Variants in CEP350 observed in about 807,000 individuals in gnomAD.
CEP350 encodes the protein centrosomal protein 350.
CEP350 carries 126 observed loss-of-function variants against 331.8 expected under a neutral mutation model. The ratio of observed to expected loss-of-function variants is 0.38; its 90% CI spans 0.33 to 0.44. The LOEUF is 0.44. Among genes scored for constraint, CEP350 ranks in the 20% least tolerant of loss-of-function variants. The pLI is 1.00. For missense variants in CEP350, 3,406 were observed against 3,634.6 expected (o/e 0.94, Z 1.62); for synonymous variants, 1,200 against 1,259.5 (o/e 0.95, Z 1.00).
chr1:179,982,001 TA>T (rs1373559197), intron 1 of CEP350, among the ~76,000 whole-genome samples: 1 of 151,988 alleles, frequency 6.6e-6, no homozygotes, highest in Non-Finnish European at 1.5e-5. Flanking sequence ...CCTTGTCTCT[TA>T]AAAAAGCCTC....
Position 179,992,192 on chromosome 1 carries a change from G to A in CEP350, c.366G>A (p.Val122=). ...LESNVKKNNR[V]EFREPLVSYR... The stretch of plus-strand genomic sequence containing the variant: ...GTAATGTGAAGAAAAATAATCGTGT[G>A]GAATTTCGTGAACCTTTGGTTTCTT... Residue 122 remains valine, a synonymous_variant, in exon 5 of 38, where the codon GTG becomes GTA. Transcript: ENST00000367607. 6.6e-7 allele frequency: 1 copy of A among 1,504,478 alleles called. No individual in the cohort carries two copies. Among genetic ancestry groups the A allele is most frequent in the South Asian group, 1.3e-5 (1 of 74,454 alleles). 93.2% of individuals were successfully genotyped at this position (1,504,478 alleles called of 1,614,324 possible).
rs1661451414 is a variant in CEP350, at chr1:180,111,134, A to C, written c.9327A>C (p.Glu3109Asp). 3.1e-6 allele frequency: 5 copies of C among 1,613,874 alleles called. No individual in the cohort carries two copies. The highest frequency in any genetic ancestry group is 1.3e-5 in the African/African-American group (1 of 74,920). ...DTIDVLNQISEKQGRMLLV is the reference protein window; with the variant it reads ...DTIDVLNQISDKQGRMLLV ...TTGATGTTCTGAATCAGATCAGTGA[A>C]AAGCAGGGGAGAATGCTACTTGTGT... The change falls in exon 38 of 38, where the codon GAA becomes GAC. Residue 3109 changes from glutamate (E) to aspartate (D), a missense_variant. Glu to Asp is a conservative substitution (Grantham distance 45). Coordinates refer to ENST00000367607, the MANE Select transcript of CEP350 (RefSeq NM_014810.5).
At chr1:179,968,124 A>G (rs1275898403) in intron 1 of CEP350, among the ~76,000 whole-genome samples, 1 of 152,150 alleles carries the variant, frequency 6.6e-6, no homozygotes, top group Non-Finnish European at 1.5e-5. Flanking sequence ...TGAGGTCAGG[A>G]GATCGAGACC....
chr1:180,078,554 T>C lies in CEP350; in HGVS notation c.5859T>C (p.Val1953=), dbSNP rs1659372574. The change falls in exon 29 of 38, where the codon GTT becomes GTC. Residue 1953 remains valine (V), a synonymous_variant. Transcript: ENST00000367607. ...CAGAAGAATTAGGCAGCCCTGCTGT[T>C]GAATATGTACCATCCGAGTCTATAG... ...SIPEELGSPA[V]EYVPSESIGQ... The C allele has an allele frequency of 6.2e-7, 1 of 1,613,688 alleles. No individual in the cohort carries two copies. The highest frequency in any genetic ancestry group is 8.5e-7 in the Non-Finnish European group (1 of 1,179,778).
chr1:179,998,431 G>A (rs1402759118), intron 6 of CEP350, among the ~76,000 whole-genome samples: 3 of 149,852 alleles, frequency 2.0e-5, no homozygotes, highest in Admixed American at 6.7e-5. Context: ...TCAGCCTCCC[G>A]AGTAGCTGGG....
At chr1:179,991,831 G>A (rs1482266590) in intron 4 of CEP350, among the ~76,000 whole-genome samples, 1 of 151,276 alleles carries the variant, frequency 6.6e-6, no homozygotes, top group Admixed American at 6.6e-5. Flanking sequence ...ATTTTATTTT[G>A]CATTGTTTCC....
intron 29 of CEP350, among the ~76,000 whole-genome samples, chr1:180,079,512 T>G (rs573546489): frequency 1.3e-5 from 2 of 151,996 alleles, no homozygotes; most frequent in Non-Finnish European, 2.9e-5. Flanking sequence ...TTAAATATTA[T>G]GTTAAAAAAT....
intron 27 of CEP350, among the ~76,000 whole-genome samples, chr1:180,071,332 G>A (rs1224509275): frequency 2.0e-5 from 3 of 149,954 alleles, no homozygotes; most frequent in South Asian, 2.1e-4. Flanking sequence ...GGTGATGCGC[G>A]CCTGTAATCC....
At position 180,018,483 on chromosome 1, in the gene CEP350, C is replaced by G. The variant is rs368577019; in HGVS notation, c.2175-1466C>G. On this transcript the variant is annotated intron_variant, in intron 11 of 37. Coordinates refer to ENST00000367607, the MANE Select transcript of CEP350 (RefSeq NM_014810.5). The stretch of plus-strand genomic sequence containing the variant: ...AACTTCCCTTGTATTCCTATTACTA[C>G]CAGCTTAGTTTAGGCCCCAATAGCC... Among the ~76,000 whole-genome samples the G allele has an allele frequency of 2.6e-5, 4 of 152,278 alleles. 1 individual carries two copies. The South Asian group carries it at 8.3e-4, about 32-fold the overall frequency.
chr1:179,982,894 G>A (rs1652382842), intron 1 of CEP350, among the ~76,000 whole-genome samples: 1 of 151,980 alleles, frequency 6.6e-6, no homozygotes, highest in Non-Finnish European at 1.5e-5. Flanking sequence ...TGGTTCAAAC[G>A]ATTCTCCTGC....
chr1:180,016,043 A>G (rs1170346142), intron 11 of CEP350, 73 bp downstream of exon 11: 23 of 1,561,124 alleles, frequency 1.5e-5, no homozygotes, highest in African/African-American at 4.1e-5. Context: ...TGTTCAGAGA[A>G]TTTTGTTGAC....
At chr1:180,016,072 A>C (rs1252216636) in intron 11 of CEP350, 102 bp downstream of exon 11, 13 of 1,354,002 alleles carry the variant, frequency 9.6e-6, no homozygotes, top group Non-Finnish European at 1.3e-5. Flanking sequence ...ACAAGAGGGC[A>C]GAGAGGTTTA....
intron 14 of CEP350, among the ~76,000 whole-genome samples, chr1:180,029,188 T>C (rs1655855028): frequency 6.6e-6 from 1 of 152,234 alleles, no homozygotes; most frequent in African/African-American, 2.4e-5. Flanking sequence ...AATATGGCTT[T>C]ACTTGGCAAT....
intron 1 of CEP350, among the ~76,000 whole-genome samples, chr1:179,977,321 A>T (rs1651944534): frequency 6.6e-6 from 1 of 152,196 alleles, no homozygotes; most frequent in South Asian, 2.1e-4. Context: ...ATTTGTGATC[A>T]GTTGTTTTGT....
chr1:180,070,509 C>A (rs1489333661), intron 27 of CEP350, among the ~76,000 whole-genome samples: 1 of 151,942 alleles, frequency 6.6e-6, no homozygotes, highest in Non-Finnish European at 1.5e-5. Flanking sequence ...ATTGGAAGGG[C>A]TCTTAGGGAA....
At chr1:180,059,625 CTT>C (rs372560791) in intron 25 of CEP350, among the ~76,000 whole-genome samples, 10 of 139,802 alleles carry the variant, frequency 7.2e-5, no homozygotes, top group South Asian at 2.3e-4. Context: ...AATTGTGAGC[CTT>C]TTTTTTTTTT....
intron 26 of CEP350, among the ~76,000 whole-genome samples, chr1:180,064,569 A>AAAT (rs1313466758): frequency 2.4e-4 from 37 of 152,314 alleles, no homozygotes; most frequent in African/African-American, 8.9e-4. Context: ...TGCTCATCAG[A>AAAT]AATAATGTAT....
At chr1:180,097,494 G>A (rs1660549545) in intron 36 of CEP350, among the ~76,000 whole-genome samples, 1 of 152,186 alleles carries the variant, frequency 6.6e-6, no homozygotes, top group Admixed American at 6.5e-5. Flanking sequence ...GGTACTTTGA[G>A]AATCTTTCCA....
intron 32 of CEP350, among the ~76,000 whole-genome samples, chr1:180,089,000 T>C (rs1160047243): frequency 1.3e-5 from 2 of 152,200 alleles, no homozygotes; most frequent in African/African-American, 2.4e-5. Context: ...TTTGTGTGTG[T>C]GTTTTTGTTA....
Sources: gnomAD v4.1 joint callset for allele counts (sites outside exome capture counted in the v4.1 genomes callset) on GRCh38, gnomAD v4.1.1 for gene constraint, MANE v1.5 for transcripts, NCBI Gene and HGNC (gene_info 2026-07-23, HGNC 2026-07-21) for gene names.